HUNK: variants seen among roughly 807,000 people sequenced by gnomAD.
HUNK encodes hormonally up-regulated neu tumor-associated kinase.
In HUNK, 21 loss-of-function variants were observed where a neutral mutation model predicts 61.0. The ratio of observed to expected loss-of-function variants is 0.34; its 90% CI spans 0.24 to 0.50. The LOEUF (loss-of-function observed/expected upper bound fraction) is 0.50, where lower values mean the gene tolerates loss of function less well. Ranked by LOEUF, HUNK falls within the 20% of genes least tolerant of loss-of-function variation. The probability of loss-of-function intolerance (pLI) is 0.98; values close to 1 mark genes in which losing one functional copy is unlikely to be tolerated. For synonymous variants in HUNK, 371 were observed against 386.1 expected (o/e 0.96, Z 0.46); for missense variants, 772 against 945.7 (o/e 0.82, Z 2.41).
At chr21:31,938,329 A>G (rs944818434) in intron 2 of HUNK, among the ~76,000 whole-genome samples, 11 of 152,154 alleles carry the variant, frequency 7.2e-5, no homozygotes, top group Non-Finnish European at 1.3e-4. Flanking sequence ...ATCTGCCCAT[A>G]TTGAGGTTGA....
At chr21:31,939,950 C>T (rs1459656877) in intron 2 of HUNK, among the ~76,000 whole-genome samples, 1 of 148,096 alleles carries the variant, frequency 6.8e-6, no homozygotes, top group East Asian at 1.9e-4. Context: ...TGCTGTCTGT[C>T]ATGTCTGAAA....
At chr21:31,953,065 C>A (rs2052862582) in intron 4 of HUNK, among the ~76,000 whole-genome samples, 1 of 152,170 alleles carries the variant, frequency 6.6e-6, no homozygotes, top group Non-Finnish European at 1.5e-5. Flanking sequence ...CTGCATTCCA[C>A]ATTTTTCCCT....
At chr21:31,975,035 T>C (rs1013669103) in intron 7 of HUNK, among the ~76,000 whole-genome samples, 1 of 151,954 alleles carries the variant, frequency 6.6e-6, no homozygotes, top group African/African-American at 2.4e-5. Flanking sequence ...GGTCTTTGGG[T>C]TCCCCATGTT....
chr21:31,874,884 G>A (rs1419824151), intron 1 of HUNK, among the ~76,000 whole-genome samples: 2 of 152,170 alleles, frequency 1.3e-5, no homozygotes, highest in Non-Finnish European at 1.5e-5. Flanking sequence ...GATGGAAGGT[G>A]TAACTTAGAG....
At chr21:31,892,456 G>C (rs980976138) in intron 1 of HUNK, among the ~76,000 whole-genome samples, 2 of 151,120 alleles carry the variant, frequency 1.3e-5, no homozygotes, top group Non-Finnish European at 2.9e-5. Context: ...TGTAGTCCCA[G>C]CTACTTGGGA....
chr21:31,952,699 T>C (rs2052859266), intron 4 of HUNK, among the ~76,000 whole-genome samples: 1 of 150,820 alleles, frequency 6.6e-6, no homozygotes, highest in Non-Finnish European at 1.5e-5. Context: ...GTAAGGGCCC[T>C]TTTCCTCTTC....
intron 1 of HUNK, among the ~76,000 whole-genome samples, chr21:31,896,482 C>T (rs2052425874): frequency 6.6e-6 from 1 of 152,210 alleles, no homozygotes; most frequent in East Asian, 1.9e-4. Context: ...GAAACAATCT[C>T]CTCCTTGAGT....
chr21:31,896,199 C>T (rs1289705481), intron 1 of HUNK, among the ~76,000 whole-genome samples: 2 of 152,198 alleles, frequency 1.3e-5, no homozygotes, highest in African/African-American at 4.8e-5. Context: ...GTTGTTGGAG[C>T]TGCCCAGTCT....
intron 4 of HUNK, among the ~76,000 whole-genome samples, chr21:31,947,495 C>T (rs188778109): frequency 1.3e-5 from 2 of 152,374 alleles, no homozygotes; most frequent in Admixed American, 1.3e-4. Flanking sequence ...TCGTTCTCGG[C>T]ACCTCTCAAT....
At chr21:31,989,442 C>A (rs2053156194) in intron 8 of HUNK, among the ~76,000 whole-genome samples, 1 of 152,166 alleles carries the variant, frequency 6.6e-6, no homozygotes, top group Non-Finnish European at 1.5e-5. Flanking sequence ...TGGCCGGGCT[C>A]AGTGCTCATG....
chr21:31,990,414 C>A (rs866411524), intron 9 of HUNK, among the ~76,000 whole-genome samples: 17 of 151,578 alleles, frequency 1.1e-4, no homozygotes, highest in African/African-American at 3.6e-4. Context: ...TGCCAGAAGA[C>A]CTCATTCTTT....
At chr21:31,969,892 C>A (rs2052998325) in intron 6 of HUNK, among the ~76,000 whole-genome samples, 1 of 152,162 alleles carries the variant, frequency 6.6e-6, no homozygotes, top group African/African-American at 2.4e-5. Flanking sequence ...TTTTTCTACT[C>A]ATTTGTCCTA....
At chr21:31,944,670 G>A (rs2052790419) in intron 3 of HUNK, among the ~76,000 whole-genome samples, 1 of 152,038 alleles carries the variant, frequency 6.6e-6, no homozygotes, top group Non-Finnish European at 1.5e-5. Flanking sequence ...GGTTAAGGGA[G>A]AAATATGGAA....
At chr21:31,931,102 T>C (rs2052693615) in intron 2 of HUNK, among the ~76,000 whole-genome samples, 1 of 144,346 alleles carries the variant, frequency 6.9e-6, no homozygotes, top group Non-Finnish European at 1.5e-5. Flanking sequence ...TCATGTTCCC[T>C]GCAAAATGCC....
chr21:31,979,085 T>C (rs2053072079), intron 7 of HUNK, among the ~76,000 whole-genome samples: 1 of 150,744 alleles, frequency 6.6e-6, no homozygotes, highest in South Asian at 2.1e-4. Context: ...ATTGGTGATG[T>C]TGAGCATACC....
At position 31,934,671 on chromosome 21, in the gene HUNK, T is replaced by C. The variant is rs565123339; in HGVS notation, c.555-5494T>C. Among the ~76,000 whole-genome samples the C allele has an allele frequency of 2.0e-4, 30 of 152,290 alleles. No individual in the cohort carries two copies. In the South Asian group the frequency reaches 6.0e-3, roughly 31 times the overall value. On this transcript the variant is annotated intron_variant, in intron 2 of 10. Transcript: ENST00000270112. Reference sequence around the variant, plus strand: ...CTCGTCCTCCTCTTTCCCACCCTTCTCTGGTAGTTCTCAGTATCTGTTGTT... The same window carrying C: ...CTCGTCCTCCTCTTTCCCACCCTTCCCTGGTAGTTCTCAGTATCTGTTGTT...
Position 31,873,683 on chromosome 21 carries a change from G to T in HUNK, c.9G>T (p.Ala3=), listed in dbSNP as rs1336636418. The T allele has an allele frequency of 2.0e-4, 205 of 1,035,096 alleles. No homozygotes were observed. The highest frequency in any genetic ancestry group is 2.2e-4 in the Non-Finnish European group (194 of 862,946). 64.1% of individuals were successfully genotyped at this position (1,035,096 alleles called of 1,614,324 possible). The change falls in exon 1 of 11, where the codon GCG becomes GCT. Residue 3 remains alanine, a synonymous_variant. Coordinates refer to ENST00000270112, the MANE Select transcript of HUNK (RefSeq NM_014586.2). The surrounding 1 kb of genome is among the most constrained non-coding windows in gnomAD (Gnocchi z 6.1). ...GGGCCGCGGCGAGCGCGATGCCGGC[G>T]GCGGCGGGGGACGGGCTCCTGGGGG... MP[A]AAGDGLLGEP... is the part of the protein sequence containing the mutation.
chr21:31,911,198 G>GT (rs1432158512), intron 1 of HUNK, among the ~76,000 whole-genome samples: 1 of 152,188 alleles, frequency 6.6e-6, no homozygotes, highest in Admixed American at 6.5e-5. Context: ...TCTGGATGTG[G>GT]TAAGCATGTC....
At chr21:31,987,387 C>T (rs1286327397) in intron 8 of HUNK, among the ~76,000 whole-genome samples, 1 of 152,178 alleles carries the variant, frequency 6.6e-6, no homozygotes, top group East Asian at 1.9e-4. Flanking sequence ...ACAATGCAAA[C>T]TTAGGTGCAT....
Sources: gnomAD v4.1 joint callset for allele counts (sites outside exome capture counted in the v4.1 genomes callset) on GRCh38, gnomAD v4.1.1 for gene constraint, Gnocchi (gnomAD v3.1) non-coding constraint, MANE v1.5 for transcripts, NCBI Gene and HGNC (gene_info 2026-07-23, HGNC 2026-07-21) for gene names.